Variants in ZEB2 observed in about 807,000 individuals in gnomAD.
ZEB2 encodes zinc finger E-box-binding homeobox 2.
In ZEB2, 6 loss-of-function variants were observed where a neutral mutation model predicts 99.9. The ratio of observed to expected loss-of-function variants is 0.06; its 90% CI spans 0.03 to 0.12. The LOEUF is 0.12. Among genes scored for constraint, ZEB2 ranks in the 10% least tolerant of loss-of-function variants. The pLI, the probability that ZEB2 is intolerant of heterozygous loss-of-function variation, is 1.00. For missense variants in ZEB2, 969 were observed against 1,502.8 expected, an observed-to-expected ratio of 0.64 and a Z score of 5.87; for synonymous variants, 517 against 542.5, an observed-to-expected ratio of 0.95 and a Z score of 0.65.
intron 8 of ZEB2, 151 bp from the exon 9 acceptor site, chr2:144,396,743 T>A: frequency 1.3e-6 from 1 of 773,142 alleles, no homozygotes; most frequent in Non-Finnish European, 2.2e-6. Context: ...ATATATGAGG[T>A]CTCAATATGC....
At chr2:144,459,654 T>A (rs1033535111) in intron 2 of ZEB2, among the ~76,000 whole-genome samples, 1 of 152,148 alleles carries the variant, frequency 6.6e-6, no homozygotes, top group African/African-American at 2.4e-5. Flanking sequence ...GAAAAACACT[T>A]CACAACTCAT....
chr2:144,400,336 A>G, intron 7 of ZEB2, 66 bp from the exon 8 acceptor site: 1 of 1,554,124 alleles, frequency 6.4e-7, no homozygotes, highest in Non-Finnish European at 8.7e-7. Flanking sequence ...TTGTCTACCA[A>G]GAGAAGAATC....
At chr2:144,480,725 T>C (rs1704497783) in intron 2 of ZEB2, among the ~76,000 whole-genome samples, 1 of 55,344 alleles carries the variant, frequency 1.8e-5, no homozygotes, top group African/African-American at 5.7e-5. Context: ...ATACTAAAAG[T>C]TAAAAAAAAA....
chr2:144,460,091 C>T (rs762678802), intron 2 of ZEB2, among the ~76,000 whole-genome samples: 8 of 152,114 alleles, frequency 5.3e-5, no homozygotes, highest in African/African-American at 1.9e-4. Context: ...AACAAGGTTG[C>T]TATGTTATGA....
intron 2 of ZEB2, among the ~76,000 whole-genome samples, chr2:144,492,697 A>G (rs1196990617): frequency 6.6e-6 from 1 of 152,166 alleles, no homozygotes; most frequent in Non-Finnish European, 1.5e-5. Context: ...AATACAAACT[A>G]AAAACAAAAA....
intron 2 of ZEB2, among the ~76,000 whole-genome samples, chr2:144,458,414 C>T (rs945529827): frequency 3.3e-5 from 5 of 152,042 alleles, no homozygotes; most frequent in Non-Finnish European, 1.5e-5. Flanking sequence ...CCTAAGAATA[C>T]ATTGAGAGAG....
intron 2 of ZEB2, among the ~76,000 whole-genome samples, chr2:144,435,599 T>TAA (rs1271899949): frequency 1.8e-4 from 24 of 134,620 alleles, no homozygotes; most frequent in Admixed American, 3.0e-4. Flanking sequence ...ACCCTGTCTT[T>TAA]AAAAAAAAAA....
rs558308754 is a variant in ZEB2 at position 144,448,468 on chromosome 2, T to C, written c.74-18442A>G. ...AATTGAGTTTTCCACTTTTCATCTG[T>C]CTCACCTCAAAATGCAACATCTCTC... On this transcript the variant is annotated intron_variant, in intron 2 of 9. Coordinates refer to ENST00000627532, the MANE Select transcript of ZEB2 (RefSeq NM_014795.4). Among the ~76,000 whole-genome samples the C allele has an allele frequency of 3.3e-5, 5 of 152,350 alleles. No homozygotes were observed. The South Asian group carries it at 1.0e-3, about 32-fold the overall frequency.
At chr2:144,511,436 CCTGAGAGATTTCA>C (rs1705036917) in intron 2 of ZEB2, 1 of 1,245,766 alleles carries the variant, frequency 8.0e-7, no homozygotes, top group South Asian at 1.3e-5. Flanking sequence ...TTACACTTTT[CCTGAGAGATTTCA>C]CTCTGACATG....
rs2149877476 is a variant in ZEB2, at chr2:144,400,128, G to A, written c.1059C>T (p.Ser353=). The part of the protein sequence containing the change: ...RMRNNIKTGS[S]PNSVSSSPTN... ...TAGGAGAAGAAGAAACAGAATTAGG[G>A]GAAGAACCCGTCTTGATATTGTTTC... Residue 353 remains serine, a synonymous_variant, in exon 8 of 10, where the codon TCC becomes TCT. Coordinates refer to ENST00000627532, the MANE Select transcript of ZEB2 (RefSeq NM_014795.4). 6.2e-7 allele frequency: 1 copy of A among 1,613,990 alleles called. No individual in the cohort carries two copies. The highest frequency in any genetic ancestry group is 1.7e-5 in the Admixed American group (1 of 60,004).
intron 4 of ZEB2, 197 bp from the exon 5 acceptor site, chr2:144,405,221 T>A (rs1703370912): frequency 3.2e-6 from 2 of 618,732 alleles, no homozygotes; most frequent in African/African-American, 3.7e-5. Flanking sequence ...GCGGGCACTT[T>A]CCTTCAAGTT....
At chr2:144,459,055 C>T (rs575270707) in intron 2 of ZEB2, among the ~76,000 whole-genome samples, 1 of 152,086 alleles carries the variant, frequency 6.6e-6, no homozygotes, top group East Asian at 1.9e-4. Flanking sequence ...TCAGTATAGC[C>T]CTAAGCCACA....
chr2:144,473,553 G>A (rs1012363406), intron 2 of ZEB2, among the ~76,000 whole-genome samples: 1 of 152,160 alleles, frequency 6.6e-6, no homozygotes, highest in African/African-American at 2.4e-5. Context: ...ATGTACAATA[G>A]AGGTCAGTAG....
Position 144,399,600 on chromosome 2 carries a change from C to T in ZEB2, c.1587G>A (p.Thr529=), listed in dbSNP as rs148709333. The T allele has an allele frequency of 6.3e-5, 101 of 1,614,148 alleles. No individual in the cohort carries two copies. In the East Asian group the frequency reaches 1.4e-3, roughly 23 times the overall value. ...NGATKSIIDY[T]LEKVNEAKAC... is the part of the protein sequence containing the mutation. The stretch of plus-strand genomic sequence containing the variant: ...CTTTGGCTTCATTGACTTTTTCCAA[C>T]GTATAGTCAATAATACTTTTAGTGG... The change falls in exon 8 of 10, where the codon ACG becomes ACA. Residue 529 remains threonine (T), a synonymous_variant. Coordinates refer to ENST00000627532, the MANE Select transcript of ZEB2 (RefSeq NM_014795.4). The surrounding 1 kb of genome is among the most constrained non-coding windows in gnomAD (Gnocchi z 5.6).
In ZEB2 at chr2:144,463,399, G is replaced by T. The variant is rs1433875585; in HGVS notation, c.74-33373C>A. 2.0e-5 allele frequency: 3 copies of T among 152,098 alleles called. No individual in the cohort carries two copies. The East Asian group carries it at 5.8e-4, about 29-fold the overall frequency. 9.4% of individuals were successfully genotyped at this position (152,098 alleles called of 1,614,324 possible). ...ATCATAAGAAAAAAAAAGAAAAGAGGTTACCTATTCTCCGTCACATTGGCT... is the reference window on the plus strand; with the variant it reads ...ATCATAAGAAAAAAAAAGAAAAGAGTTTACCTATTCTCCGTCACATTGGCT... On this transcript the variant is annotated intron_variant, in intron 2 of 9. Transcript: ENST00000627532.
chr2:144,475,124 T>G (rs1704412974), intron 2 of ZEB2, among the ~76,000 whole-genome samples: 1 of 152,352 alleles, frequency 6.6e-6, no homozygotes, highest in East Asian at 1.9e-4. Context: ...AGAGGCTTTG[T>G]CATAATAAAA....
intron 2 of ZEB2, among the ~76,000 whole-genome samples, chr2:144,502,262 G>A (rs1179690067): frequency 2.0e-5 from 3 of 152,120 alleles, no homozygotes; most frequent in Non-Finnish European, 1.5e-5. Context: ...ATGAATGGAG[G>A]TAAAAATAAC....
At chr2:144,417,060 G>T (rs976887125) in intron 4 of ZEB2, among the ~76,000 whole-genome samples, 1 of 152,056 alleles carries the variant, frequency 6.6e-6, no homozygotes, top group Non-Finnish European at 1.5e-5. Context: ...TTATTCACCC[G>T]GATGAATGTA....
At chr2:144,517,715 G>A (rs919082479) in intron 1 of ZEB2, 5 of 702,790 alleles carry the variant, frequency 7.1e-6, no homozygotes, top group African/African-American at 1.7e-5. Context: ...CGGCGGTACA[G>A]TAAGACCGCT....
Sources: gnomAD v4.1 joint callset for allele counts (sites outside exome capture counted in the v4.1 genomes callset) on GRCh38, gnomAD v4.1.1 for gene constraint, Gnocchi (gnomAD v3.1) non-coding constraint, MANE v1.5 for transcripts, NCBI Gene and HGNC (gene_info 2026-07-23, HGNC 2026-07-21) for gene names.